The following PTPRG variants were observed in gnomAD, a reference collection of about 807,000 sequenced individuals.
The protein encoded by PTPRG is receptor-type tyrosine-protein phosphatase gamma.
PTPRG carries 102 observed loss-of-function variants against 165.3 expected under a neutral mutation model. That is an observed-to-expected ratio of 0.62 (90% CI 0.53 to 0.73). PTPRG has a LOEUF of 0.73. PTPRG is among the 30% of genes least tolerant of loss of function. The probability of loss-of-function intolerance (pLI) is 0.00; values close to 1 mark genes in which losing one functional copy is unlikely to be tolerated. For missense variants in PTPRG, 1,866 were observed against 1,861.4 expected, an observed-to-expected ratio of 1.00 and a Z score of -0.05; for synonymous variants, 675 against 669.5, an observed-to-expected ratio of 1.01 and a Z score of -0.13.
rs563432993 is a variant in PTPRG at position 62,058,560 on chromosome 3, T to C, written c.520-19603T>C. Among the ~76,000 whole-genome samples the C allele has an allele frequency of 2.0e-5, 3 of 152,160 alleles. No individual in the cohort carries two copies. The South Asian group carries it at 6.2e-4, about 32-fold the overall frequency. On this transcript the variant is annotated intron_variant, in intron 4 of 29. Coordinates refer to ENST00000474889, the MANE Select transcript of PTPRG (RefSeq NM_002841.4). ...CCTTTTTGTTGGGATCTACAGAAAG[T>C]CACCTATGGATACTGCCAAGCTTCA... is the stretch of plus-strand genomic sequence containing the variant.
intron 2 of PTPRG, among the ~76,000 whole-genome samples, chr3:61,940,383 G>A (rs2039590670): frequency 6.6e-6 from 1 of 152,196 alleles, no homozygotes; most frequent in Non-Finnish European, 1.5e-5. Flanking sequence ...GCTGGCAGAG[G>A]TCATGCATGA....
intron 9 of PTPRG, among the ~76,000 whole-genome samples, chr3:62,193,902 A>G (rs1475446650): frequency 6.6e-6 from 1 of 152,234 alleles, no homozygotes; most frequent in Non-Finnish European, 1.5e-5. Flanking sequence ...GAGTCTTTGA[A>G]AATCAGTTGC....
intron 8 of PTPRG, among the ~76,000 whole-genome samples, chr3:62,185,585 T>C (rs1272576586): frequency 1.3e-5 from 2 of 151,714 alleles, no homozygotes; most frequent in South Asian, 2.1e-4. Flanking sequence ...GTGGAGACTA[T>C]GGCAAAAAAA....
At chr3:61,928,383 C>G (rs548582367) in intron 2 of PTPRG, among the ~76,000 whole-genome samples, 8 of 152,330 alleles carry the variant, frequency 5.3e-5, no homozygotes, top group South Asian at 4.1e-4. Context: ...GAAACCCTAT[C>G]ACATTTTCCA....
intron 5 of PTPRG, among the ~76,000 whole-genome samples, chr3:62,087,549 A>G (rs551855981): frequency 6.6e-6 from 1 of 152,286 alleles, no homozygotes; most frequent in East Asian, 1.9e-4. Context: ...CTTCACTGGG[A>G]CCCCTCAAGG....
intron 5 of PTPRG, among the ~76,000 whole-genome samples, chr3:62,095,921 A>G (rs886564): frequency 0.49 from 74,073 of 151,652 alleles, 18,675 homozygotes; most frequent in Admixed American, 0.61. Flanking sequence ...AAAGCCCTCA[A>G]GGCTCAAGCT....
intron 1 of PTPRG, among the ~76,000 whole-genome samples, chr3:61,728,447 G>A (rs1387019003): frequency 2.0e-5 from 3 of 152,082 alleles, no homozygotes; most frequent in Admixed American, 6.6e-5. Flanking sequence ...GTTGGGTGTG[G>A]TCGTGTGTGC....
At chr3:61,881,794 C>T (rs575654325) in intron 2 of PTPRG, among the ~76,000 whole-genome samples, 2 of 152,298 alleles carry the variant, frequency 1.3e-5, no homozygotes, top group African/African-American at 4.8e-5. Context: ...GCCTGATGAG[C>T]CTCTTCAGAA....
At chr3:61,890,865 G>GT (rs1215025628) in intron 2 of PTPRG, among the ~76,000 whole-genome samples, 1 of 152,082 alleles carries the variant, frequency 6.6e-6, no homozygotes, top group East Asian at 1.9e-4. Context: ...TACAAATAAT[G>GT]TTTTGTTACT....
chr3:61,622,743 C>G (rs886153524), intron 1 of PTPRG, among the ~76,000 whole-genome samples: 2 of 152,060 alleles, frequency 1.3e-5, no homozygotes, highest in African/African-American at 4.8e-5. Flanking sequence ...CCTTAGTAGA[C>G]AAGATGTATA....
intron 1 of PTPRG, among the ~76,000 whole-genome samples, chr3:61,618,039 G>A (rs1476898135): frequency 6.6e-6 from 1 of 152,190 alleles, no homozygotes; most frequent in Non-Finnish European, 1.5e-5. Context: ...AAGCGGCCAG[G>A]TGGTACTTGG....
intron 10 of PTPRG, among the ~76,000 whole-genome samples, chr3:62,199,635 G>A (rs1177678136): frequency 6.6e-6 from 1 of 152,086 alleles, no homozygotes; most frequent in Non-Finnish European, 1.5e-5. Context: ...AATATATGTG[G>A]GTCACTTGCC....
Position 61,966,060 on chromosome 3 carries a change from A to G in PTPRG, c.191-23565A>G, listed in dbSNP as rs146920393. Among the ~76,000 whole-genome samples the G allele has an allele frequency of 1.7e-3, 266 of 152,390 alleles. 1 individual carries two copies. Among genetic ancestry groups the G allele is most frequent in the African/African-American group, 5.9e-3 (246 of 41,602 alleles). On this transcript the variant is annotated intron_variant, in intron 2 of 29. Coordinates refer to ENST00000474889, the MANE Select transcript of PTPRG (RefSeq NM_002841.4). The stretch of plus-strand genomic sequence containing the variant: ...CACAGAATCCAGATTAGTAGATTTC[A>G]AAAGAAGGAGGTTTAACCATAGCTA...
At chr3:62,033,537 C>G (rs528193733) in intron 4 of PTPRG, among the ~76,000 whole-genome samples, 8 of 146,180 alleles carry the variant, frequency 5.5e-5, no homozygotes, top group Middle Eastern at 3.4e-3. Context: ...TCTTCCCCCC[C>G]CCACCCCCCA....
chr3:61,697,862 C>G (rs1338049949), intron 1 of PTPRG, among the ~76,000 whole-genome samples: 1 of 152,124 alleles, frequency 6.6e-6, no homozygotes, highest in Non-Finnish European at 1.5e-5. Flanking sequence ...GTTATTCTGT[C>G]TGTTGTCAGT....
Position 62,255,599 on chromosome 3 carries a change from C to T in PTPRG, c.2559+384C>T, listed in dbSNP as rs1397326018. 1.3e-5 allele frequency among the ~76,000 whole-genome samples: 2 copies of T among 152,150 alleles called. No homozygotes were observed. The highest frequency in any genetic ancestry group is 4.8e-5 in the African/African-American group (2 of 41,444). Reference sequence around the variant, plus strand: ...ATAGTGAAGATAGCAGGTTTGGTGTCTGAGAAACTGGGTGCTGGCTTCATC... The same window carrying T: ...ATAGTGAAGATAGCAGGTTTGGTGTTTGAGAAACTGGGTGCTGGCTTCATC... On this transcript the variant is annotated intron_variant, in intron 16 of 29. Transcript: ENST00000474889. The surrounding 1 kb of genome is among the most constrained non-coding windows in gnomAD (Gnocchi z 4.0).
intron 2 of PTPRG, among the ~76,000 whole-genome samples, chr3:61,952,737 G>A (rs1391388218): frequency 6.6e-6 from 1 of 151,920 alleles, no homozygotes; most frequent in Admixed American, 6.6e-5. Context: ...ATTTGCCCTA[G>A]CCTCAAACCT....
chr3:62,247,553 C>A (rs916082222), intron 15 of PTPRG, among the ~76,000 whole-genome samples: 1 of 152,214 alleles, frequency 6.6e-6, no homozygotes, highest in South Asian at 2.1e-4. Flanking sequence ...AAAAAAATCT[C>A]CCCTCTCATC....
chr3:61,581,994 G>C (rs889838624), intron 1 of PTPRG, among the ~76,000 whole-genome samples: 4 of 151,700 alleles, frequency 2.6e-5, no homozygotes, highest in Non-Finnish European at 4.4e-5. Context: ...TTGAGACAGA[G>C]TCTTGCTCTA....
Sources: gnomAD v4.1 joint callset for allele counts (sites outside exome capture counted in the v4.1 genomes callset) on GRCh38, gnomAD v4.1.1 for gene constraint, Gnocchi (gnomAD v3.1) non-coding constraint, MANE v1.5 for transcripts, NCBI Gene and HGNC (gene_info 2026-07-23, HGNC 2026-07-21) for gene names.